The following TAFA1 variants were observed in gnomAD, a reference collection of about 807,000 sequenced individuals.
TAFA1 encodes the protein chemokine-like protein TAFA-1.
TAFA1 carries 4 observed loss-of-function variants against 18.5 expected under a neutral mutation model. That is an observed-to-expected ratio of 0.22 (90% CI 0.11 to 0.49). The LOEUF is 0.49. Among genes scored for constraint, TAFA1 ranks in the 20% least tolerant of loss-of-function variants. TAFA1 has a pLI of 0.98. For missense variants in TAFA1, 147 were observed against 169.0 expected (o/e 0.87, Z 0.72); for synonymous variants, 56 against 55.2 (o/e 1.01, Z -0.06).
At chr3:68,188,369 C>T (rs1205396587) in intron 2 of TAFA1, among the ~76,000 whole-genome samples, 1 of 151,548 alleles carries the variant, frequency 6.6e-6, no homozygotes, top group Non-Finnish European at 1.5e-5. Context: ...ATGATTTTCT[C>T]TTTGCATCTA....
intron 2 of TAFA1, among the ~76,000 whole-genome samples, chr3:68,234,987 C>T (rs557540758): frequency 2.6e-5 from 4 of 152,204 alleles, no homozygotes; most frequent in South Asian, 2.1e-4. Context: ...CTGTAATAAA[C>T]GCTTGACTCA....
chr3:68,538,119 T>C (rs1165015126), intron 3 of TAFA1, among the ~76,000 whole-genome samples: 4 of 152,046 alleles, frequency 2.6e-5, no homozygotes, highest in African/African-American at 9.7e-5. Context: ...GGGTCCTGAG[T>C]GTGTGGGTCT....
At chr3:68,114,658 T>C in intron 2 of TAFA1, among the ~76,000 whole-genome samples, 1 of 152,228 alleles carries the variant, frequency 6.6e-6, no homozygotes, top group East Asian at 1.9e-4. Flanking sequence ...TTGACAAATA[T>C]TGGCATTAGC....
At chr3:68,382,880 G>T (rs2106678677) in intron 2 of TAFA1, among the ~76,000 whole-genome samples, 1 of 152,106 alleles carries the variant, frequency 6.6e-6, no homozygotes, top group Middle Eastern at 3.4e-3. Flanking sequence ...CTCTGATGTT[G>T]TTGAGTAATG....
intron 2 of TAFA1, among the ~76,000 whole-genome samples, chr3:68,103,979 C>G (rs748716778): frequency 3.9e-5 from 6 of 152,134 alleles, no homozygotes; most frequent in African/African-American, 7.2e-5. Context: ...ACTTAAGTTT[C>G]CCACTTTATT....
chr3:68,101,487 G>A (rs957061887), intron 2 of TAFA1, among the ~76,000 whole-genome samples: 12 of 152,018 alleles, frequency 7.9e-5, no homozygotes, highest in Non-Finnish European at 1.6e-4. Context: ...CATATACCAT[G>A]GAATACTATG....
intron 2 of TAFA1, among the ~76,000 whole-genome samples, chr3:68,339,281 C>T (rs1400793663): frequency 6.6e-6 from 1 of 152,134 alleles, no homozygotes; most frequent in Non-Finnish European, 1.5e-5. Flanking sequence ...CAAATTAAAA[C>T]AAGATTTTAC....
intron 3 of TAFA1, among the ~76,000 whole-genome samples, chr3:68,501,870 A>G (rs1277299888): frequency 6.6e-6 from 1 of 152,190 alleles, no homozygotes; most frequent in African/African-American, 2.4e-5. Flanking sequence ...TGTAGTTTGG[A>G]CACAGCATAG....
At chr3:68,370,715 A>G (rs1190374834) in intron 2 of TAFA1, among the ~76,000 whole-genome samples, 1 of 149,420 alleles carries the variant, frequency 6.7e-6, no homozygotes, top group African/African-American at 2.4e-5. Context: ...AAGAGCCACA[A>G]AAGTACTCCT....
At chr3:68,068,736 C>CT (rs1162525978) in intron 2 of TAFA1, among the ~76,000 whole-genome samples, 3 of 152,140 alleles carry the variant, frequency 2.0e-5, no homozygotes, top group African/African-American at 2.4e-5. Flanking sequence ...CTCTCTTCCA[C>CT]TTTTTTTCTT....
At chr3:68,139,152 A>G (rs2106898119) in intron 2 of TAFA1, among the ~76,000 whole-genome samples, 1 of 152,338 alleles carries the variant, frequency 6.6e-6, no homozygotes, top group Non-Finnish European at 1.5e-5. Context: ...TTTCTACTGC[A>G]TTGTTATATC....
At chr3:68,479,977 A>T (rs2072199901) in intron 3 of TAFA1, among the ~76,000 whole-genome samples, 1 of 152,150 alleles carries the variant, frequency 6.6e-6, no homozygotes, top group African/African-American at 2.4e-5. Flanking sequence ...CAAGTCTTTC[A>T]CTTCTCTAAG....
At chr3:68,103,787 C>T (rs1358643274) in intron 2 of TAFA1, among the ~76,000 whole-genome samples, 1 of 152,154 alleles carries the variant, frequency 6.6e-6, no homozygotes, top group Non-Finnish European at 1.5e-5. Context: ...AAACACCTTA[C>T]ATGAATCACA....
intron 2 of TAFA1, among the ~76,000 whole-genome samples, chr3:68,166,744 C>A (rs2065985883): frequency 6.6e-6 from 1 of 152,220 alleles, no homozygotes. Context: ...CCAATTTAAT[C>A]ATCAGAGGAA....
At chr3:68,475,155 T>C (rs2072067663) in intron 3 of TAFA1, among the ~76,000 whole-genome samples, 1 of 152,088 alleles carries the variant, frequency 6.6e-6, no homozygotes, top group South Asian at 2.1e-4. Flanking sequence ...TTTTAATCTC[T>C]TTTTTAAATT....
rs186570882 is a variant in TAFA1, at chr3:68,392,960, A to G, written c.119-24320A>G. 2.0e-5 allele frequency among the ~76,000 whole-genome samples: 3 copies of G among 152,306 alleles called. No individual in the cohort carries two copies. In the East Asian group the frequency reaches 5.8e-4, roughly 29 times the overall value. ...CAATTAAAAGAACTAGAGAAGCAAG[A>G]GCAAACAAATTCACAAGCTGTCAGA... On this transcript the variant is annotated intron_variant, in intron 2 of 4. Transcript: ENST00000478136.
chr3:68,178,015 G>A (rs2066146687), intron 2 of TAFA1, among the ~76,000 whole-genome samples: 2 of 152,068 alleles, frequency 1.3e-5, no homozygotes, highest in East Asian at 3.9e-4. Context: ...GTGGTGGTGG[G>A]CGCCTATAGT....
intron 4 of TAFA1, among the ~76,000 whole-genome samples, chr3:68,539,688 T>TGGGGGGGGGG (rs1184533157): frequency 3.2e-4 from 4 of 12,448 alleles, no homozygotes; most frequent in East Asian, 2.3e-3. Flanking sequence ...TGGGGGGGCA[T>TGGGGGGGGGG]GGGGTGGGTG....
At chr3:68,166,815 A>G (rs368525740) in intron 2 of TAFA1, among the ~76,000 whole-genome samples, 14 of 152,194 alleles carry the variant, frequency 9.2e-5, no homozygotes, top group Admixed American at 5.2e-4. Flanking sequence ...TTAATTGCCC[A>G]TTTGTGAGTC....
Sources: allele counts gnomAD v4.1 joint callset (sites outside exome capture counted in the v4.1 genomes callset), GRCh38; gene constraint gnomAD v4.1.1; transcripts MANE v1.5; gene names NCBI Gene and HGNC (gene_info 2026-07-23, HGNC 2026-07-21).